The following TLN2 variants were observed in gnomAD, a reference collection of about 807,000 sequenced individuals.
TLN2 encodes talin 2, also known as talin-2.
In TLN2, 118 loss-of-function variants were observed where a neutral mutation model predicts 294.7. That is an observed-to-expected ratio of 0.40 (90% CI 0.34 to 0.47). The LOEUF (loss-of-function observed/expected upper bound fraction) is 0.47, where lower values mean the gene tolerates loss of function less well. Among genes scored for constraint, TLN2 ranks in the 20% least tolerant of loss-of-function variants. The pLI, the probability that TLN2 is intolerant of heterozygous loss-of-function variation, is 0.84. For missense variants in TLN2, 3,083 were observed against 3,282.2 expected, an observed-to-expected ratio of 0.94 and a Z score of 1.48; for synonymous variants, 1,431 against 1,304.5, an observed-to-expected ratio of 1.10 and a Z score of -2.09.
intron 51 of TLN2, among the ~76,000 whole-genome samples, chr15:62,807,134 C>G (rs563704399): frequency 6.6e-6 from 1 of 152,222 alleles, no homozygotes; most frequent in African/African-American, 2.4e-5. Flanking sequence ...GGAGTTAGGA[C>G]TCTCTCTCCT....
At chr15:62,744,126 T>C (rs4775534) in intron 32 of TLN2, among the ~76,000 whole-genome samples, 146,889 of 152,292 alleles carry the variant, frequency 0.96, 71,066 homozygotes, top group East Asian at 1. Flanking sequence ...AGCCCTGACT[T>C]TTCCAATTGC....
chr15:62,421,729 T>C (rs2034410655), intron 1 of TLN2, among the ~76,000 whole-genome samples: 1 of 152,048 alleles, frequency 6.6e-6, no homozygotes. Flanking sequence ...GGCTTGATGC[T>C]GCGGTTATGA....
At chr15:62,499,413 G>T (rs1293526907) in intron 1 of TLN2, among the ~76,000 whole-genome samples, 1 of 152,146 alleles carries the variant, frequency 6.6e-6, no homozygotes, top group African/African-American at 2.4e-5. Context: ...TTGCACTACT[G>T]CACTTCAGCC....
intron 1 of TLN2, among the ~76,000 whole-genome samples, chr15:62,509,868 G>A (rs1020882903): frequency 1.3e-5 from 2 of 152,160 alleles, no homozygotes; most frequent in East Asian, 1.9e-4. Context: ...GAGAGAATCC[G>A]GTGGCTTTGG....
chr15:62,480,788 T>C (rs1023063661), intron 1 of TLN2, among the ~76,000 whole-genome samples: 1 of 152,112 alleles, frequency 6.6e-6, no homozygotes, highest in South Asian at 2.1e-4. Flanking sequence ...GAAGTCACAA[T>C]GTAATATAAA....
chr15:62,465,248 G>T (rs762048365), intron 1 of TLN2, among the ~76,000 whole-genome samples: 7 of 151,706 alleles, frequency 4.6e-5, no homozygotes, highest in Non-Finnish European at 8.8e-5. Context: ...CTCTTTGCTG[G>T]GAGTTATCGC....
At chr15:62,653,129 A>G in intron 6 of TLN2, 33 bp from the exon 7 acceptor site, 3 of 1,495,090 alleles carry the variant, frequency 2.0e-6, no homozygotes, top group African/African-American at 1.4e-5. Context: ...CAGTTTAATT[A>G]TTTATAATTA....
At chr15:62,399,667 G>T (rs2032870336) in intron 1 of TLN2, among the ~76,000 whole-genome samples, 1 of 152,224 alleles carries the variant, frequency 6.6e-6, no homozygotes, top group Non-Finnish European at 1.5e-5. Context: ...GAACTTTAAG[G>T]TTAAATGACT....
At chr15:62,557,555 C>G (rs991733046) in intron 1 of TLN2, among the ~76,000 whole-genome samples, 12 of 152,138 alleles carry the variant, frequency 7.9e-5, no homozygotes, top group Non-Finnish European at 1.6e-4. Context: ...TTCTTTCTTG[C>G]TAGTAGATTC....
chr15:62,619,750 ATTC>A (rs1244856687), intron 3 of TLN2, among the ~76,000 whole-genome samples: 4 of 152,198 alleles, frequency 2.6e-5, no homozygotes, highest in Non-Finnish European at 5.9e-5. Flanking sequence ...GAAAGGAAGT[ATTC>A]TTCTAGAGCC....
chr15:62,639,880 A>G (rs1031779862), intron 3 of TLN2, among the ~76,000 whole-genome samples: 4 of 152,180 alleles, frequency 2.6e-5, no homozygotes, highest in Non-Finnish European at 5.9e-5. Flanking sequence ...TGACGATGAG[A>G]TCAAATGGGA....
intron 54 of TLN2, among the ~76,000 whole-genome samples, chr15:62,821,144 G>A (rs2067531700): frequency 6.6e-6 from 1 of 152,220 alleles, no homozygotes; most frequent in Non-Finnish European, 1.5e-5. Context: ...TATATGTGAA[G>A]AGAAATAGCC....
intron 45 of TLN2, chr15:62,784,548 A>G (rs1390494890): frequency 1.3e-5 from 2 of 152,404 alleles, no homozygotes; most frequent in Non-Finnish European, 1.5e-5. Flanking sequence ...AAGAGCTGCC[A>G]TCTCTCATAC....
At chr15:62,538,780 CAAT>C (rs2041506753) in intron 1 of TLN2, among the ~76,000 whole-genome samples, 1 of 152,112 alleles carries the variant, frequency 6.6e-6, no homozygotes, top group Admixed American at 6.5e-5. Flanking sequence ...ATTTGTGAAT[CAAT>C]AAACCTAGGA....
chr15:62,719,181 A>G (rs2059971300), intron 24 of TLN2, among the ~76,000 whole-genome samples: 1 of 152,180 alleles, frequency 6.6e-6, no homozygotes, highest in Admixed American at 6.5e-5. Flanking sequence ...GTAGGAGCCC[A>G]TTACTGTACA....
intron 12 of TLN2, among the ~76,000 whole-genome samples, chr15:62,690,897 G>A (rs902187538): frequency 9.2e-5 from 14 of 151,608 alleles, no homozygotes; most frequent in East Asian, 1.9e-4. Flanking sequence ...GCCTGCAATC[G>A]CAGGCACTCG....
intron 1 of TLN2, among the ~76,000 whole-genome samples, chr15:62,453,312 A>C (rs921985237): frequency 6.6e-6 from 1 of 151,498 alleles, no homozygotes; most frequent in Non-Finnish European, 1.5e-5. Flanking sequence ...GTAGGATTGG[A>C]AAGTAGCTGC....
intron 1 of TLN2, among the ~76,000 whole-genome samples, chr15:62,437,397 G>A (rs1424119797): frequency 6.6e-6 from 1 of 151,934 alleles, no homozygotes; most frequent in East Asian, 1.9e-4. Context: ...CTATAAGTGC[G>A]AGCCACCACA....
At chr15:62,548,528 C>T (rs2042119945) in intron 1 of TLN2, among the ~76,000 whole-genome samples, 1 of 152,138 alleles carries the variant, frequency 6.6e-6, no homozygotes, top group Non-Finnish European at 1.5e-5. Flanking sequence ...TGGTGCTCAC[C>T]AGAAGGCAGC....
Sources: gnomAD v4.1 joint callset for allele counts (sites outside exome capture counted in the v4.1 genomes callset) on GRCh38, gnomAD v4.1.1 for gene constraint, MANE v1.5 for transcripts, NCBI Gene and HGNC (gene_info 2026-07-23, HGNC 2026-07-21) for gene names.